The following ZBTB7A variants were observed in gnomAD, a reference collection of about 807,000 sequenced individuals.
The protein encoded by ZBTB7A is zinc finger and BTB domain containing 7A, also known as zinc finger and BTB domain-containing protein 7A.
A neutral mutation model predicts 26.7 loss-of-function variants in ZBTB7A; 7 were observed. That is an observed-to-expected ratio of 0.26 (90% CI 0.15 to 0.49). The LOEUF is 0.49. Ranked by LOEUF, ZBTB7A falls within the 20% of genes least tolerant of loss-of-function variation. The pLI is 0.98. For synonymous variants in ZBTB7A, 452 were observed against 441.0 expected (o/e 1.02, Z -0.31); for missense variants, 617 against 919.5 (o/e 0.67, Z 4.25).
At chr19:4,063,838 T>C (rs970067731) in intron 1 of ZBTB7A, among the ~76,000 whole-genome samples, 2 of 152,162 alleles carry the variant, frequency 1.3e-5, no homozygotes, top group African/African-American at 4.8e-5. Flanking sequence ...CAGTCTCCCC[T>C]GCCTAGTACC....
At chr19:4,049,164 G>GTA (rs748377446) in intron 2 of ZBTB7A, among the ~76,000 whole-genome samples, 691 of 20,806 alleles carry the variant, frequency 0.033, 10 homozygotes, top group Non-Finnish European at 0.066. Context: ...GTGTGTGTGT[G>GTA]TGTGTATATA....
Position 4,043,458 on chromosome 19 carries a change from T to TG in ZBTB7A, c.*4293_*4294insC, listed in dbSNP as rs1050698497. Among the ~76,000 whole-genome samples the TG allele has an allele frequency of 2.0e-5, 3 of 151,482 alleles. No individual in the cohort carries two copies. Among genetic ancestry groups the TG allele is most frequent in the African/African-American group, 4.9e-5 (2 of 41,218 alleles). ...CCAAAAAGTGCATTTTTATCAGTTT[T>TG]TTTTTTTTTTAAATCTCCCACACTT... On this transcript the variant is annotated 3_prime_UTR_variant, in exon 3 of 3. Coordinates refer to ENST00000322357, the MANE Select transcript of ZBTB7A (RefSeq NM_015898.4).
chr19:4,055,580 T>G (rs891027099), intron 1 of ZBTB7A: 1 of 629,160 alleles, frequency 1.6e-6, no homozygotes, highest in African/African-American at 2.0e-5. Context: ...CCCAGCACTT[T>G]GGGAGGCCGA....
At position 4,045,716 on chromosome 19, in the gene ZBTB7A, T is replaced by C. The variant is rs187288288; in HGVS notation, c.*2036A>G. 1.5e-3 allele frequency: 580 copies of C among 393,912 alleles called. 2 individuals are homozygous for C. Among genetic ancestry groups the C allele is most frequent in the African/African-American group, 0.011 (521 of 48,602 alleles). The allele number at this position is 393,912 out of a possible 1,614,324, so 24.4% of individuals were successfully genotyped here. On this transcript the variant is annotated 3_prime_UTR_variant, in exon 3 of 3. Transcript: ENST00000322357. The surrounding 1 kb of genome is among the most constrained non-coding windows in gnomAD (Gnocchi z 4.1). ...CTATTTTCGGGGTCCCATGCTAGCA[T>C]TGCATATGCAAACGGGGTGAGGGCG...
At chr19:4,058,848 G>A (rs1359465007) in intron 1 of ZBTB7A, among the ~76,000 whole-genome samples, 1 of 152,170 alleles carries the variant, frequency 6.6e-6, no homozygotes, top group African/African-American at 2.4e-5. Context: ...CTTGCTCAGT[G>A]CCACCACGCT....
At chr19:4,059,832 G>A (rs1158676212) in intron 1 of ZBTB7A, among the ~76,000 whole-genome samples, 1 of 152,156 alleles carries the variant, frequency 6.6e-6, no homozygotes, top group Non-Finnish European at 1.5e-5. Flanking sequence ...AGGTGGGAGA[G>A]GGGAGGCCGG....
At chr19:4,058,667 C>CGAAGGCCTCCTCT (rs895172566) in intron 1 of ZBTB7A, among the ~76,000 whole-genome samples, 4 of 152,228 alleles carry the variant, frequency 2.6e-5, no homozygotes, top group African/African-American at 4.8e-5. Flanking sequence ...TGGCCTCCTC[C>CGAAGGCCTCCTCT]GGGCCACCAG....
chr19:4,054,191 C>T lies in ZBTB7A; in HGVS notation c.1042G>A (p.Val348Ile), dbSNP rs749624624. The T allele has an allele frequency of 1.3e-6, 2 of 1,593,192 alleles. No homozygotes were observed. Among genetic ancestry groups the T allele is most frequent in the Non-Finnish European group, 1.7e-6 (2 of 1,175,314 alleles). The part of the protein sequence containing the change: ...DEESRADDKG[V>I]MDYYLKYFSG... ...AAGTACTTCAGGTAGTAGTCCATGA[C>T]GCCCTTGTCGTCGGCCCGCGACTCC... Residue 348 changes from valine to isoleucine, a missense_variant, in exon 2 of 3, where the codon GTC (valine) becomes ATC (isoleucine). This residue lies in a region of ZBTB7A where 331 missense variants were observed against 391.3 expected (regional missense o/e 0.85). Coordinates refer to ENST00000322357, the MANE Select transcript of ZBTB7A (RefSeq NM_015898.4).
At chr19:4,065,586 G>C (rs1431935050) in intron 1 of ZBTB7A, 2 of 145,576 alleles carry the variant, frequency 1.4e-5, no homozygotes, top group African/African-American at 4.9e-5. Flanking sequence ...CCGGGCTGGG[G>C]GGAGGGCGAT....
At position 4,064,045 on chromosome 19, in the gene ZBTB7A, G is replaced by A. The variant is rs370028832; in HGVS notation, c.-16+2637C>T. 2.1e-4 allele frequency among the ~76,000 whole-genome samples: 32 copies of A among 152,300 alleles called. No homozygotes were observed. The East Asian group carries it at 5.2e-3, about 25-fold the overall frequency. On this transcript the variant is annotated intron_variant, in intron 1 of 2. Coordinates refer to ENST00000322357, the MANE Select transcript of ZBTB7A (RefSeq NM_015898.4). ...AAACACCCAGCAGGGATTTGTGATC[G>A]CCCCAGGAACCTTTCCGACCAGGCC...
chr19:4,062,529 C>A (rs959376121), intron 1 of ZBTB7A, among the ~76,000 whole-genome samples: 1 of 152,180 alleles, frequency 6.6e-6, no homozygotes, highest in African/African-American at 2.4e-5. Context: ...CAGGGTCGCG[C>A]AGCAGAACTG....
intron 1 of ZBTB7A, among the ~76,000 whole-genome samples, chr19:4,064,635 G>T (rs2040673047): frequency 6.6e-6 from 1 of 152,230 alleles, no homozygotes; most frequent in African/African-American, 2.4e-5. Context: ...CCCTGGTCCA[G>T]TTCTGAGGTT....
Position 4,048,092 on chromosome 19 carries a change from C to A in ZBTB7A, c.1415G>T (p.Cys472Phe). The change falls in exon 3 of 3, where the codon TGC becomes TTC. Residue 472 changes from cysteine (C) to phenylalanine (F), a missense_variant. Cys to Phe is a radical substitution (Grantham distance 205, BLOSUM62 -2). Transcript: ENST00000322357. The surrounding 1 kb of genome is among the most constrained non-coding windows in gnomAD (Gnocchi z 6.7). ...GLRPYQCDSC[C>F]KTFVRSDHLH... The stretch of plus-strand genomic sequence containing the variant: ...GTGGTCGGAGCGGACGAAGGTCTTG[C>A]AGCAGCTGTCGCACTGGTAGGGGCG... 1.2e-6 allele frequency: 2 copies of A among 1,609,732 alleles called. No homozygotes were observed. Among genetic ancestry groups the A allele is most frequent in the Non-Finnish European group, 1.7e-6 (2 of 1,178,624 alleles).
intron 1 of ZBTB7A, among the ~76,000 whole-genome samples, chr19:4,058,866 C>A (rs894350496): frequency 2.2e-4 from 34 of 152,208 alleles, no homozygotes; most frequent in African/African-American, 8.0e-4. Context: ...GCTCCCCAGG[C>A]CCCTCCACCC....
At position 4,048,684 on chromosome 19, in the gene ZBTB7A, AAAAAAAC is replaced by A. The variant is rs138904801; in HGVS notation, c.1263-447_1263-441del. ...TGTCTCTACTAAAAAAACAAAAAAC[AAAAAAAC>A]AAAAAACAAAAATCAGCCGGGCATG... On this transcript the variant is annotated intron_variant, in intron 2 of 2. Coordinates refer to ENST00000322357, the MANE Select transcript of ZBTB7A (RefSeq NM_015898.4). This position sits in a 1 kb window ranked among gnomAD's most constrained non-coding sequence, Gnocchi z 6.7. Among the ~76,000 whole-genome samples the A allele has an allele frequency of 0.19, 28,402 of 149,584 alleles. 2,780 individuals carry two copies. The highest frequency in any genetic ancestry group is 0.25 in the African/African-American group (9,806 of 39,804).
At chr19:4,050,616 G>A (rs2144980782) in intron 2 of ZBTB7A, among the ~76,000 whole-genome samples, 1 of 152,300 alleles carries the variant, frequency 6.6e-6, no homozygotes, top group Admixed American at 6.5e-5. Flanking sequence ...TGCGCTGGAA[G>A]TGCAAAAGGT....
intron 1 of ZBTB7A, among the ~76,000 whole-genome samples, chr19:4,065,927 CCCGCG>C (rs1202629235): frequency 3.5e-5 from 5 of 144,266 alleles, no homozygotes; most frequent in Non-Finnish European, 7.7e-5. Context: ...TGGCCCCGCC[CCCGCG>C]CCGCGCCGCG....
intron 1 of ZBTB7A, among the ~76,000 whole-genome samples, chr19:4,056,212 TC>T (rs1334037089): frequency 6.6e-6 from 1 of 151,262 alleles, no homozygotes; most frequent in African/African-American, 2.4e-5. Context: ...CGGCCAGCTG[TC>T]CTGCCCCCAG....
intron 1 of ZBTB7A, among the ~76,000 whole-genome samples, chr19:4,065,245 C>A (rs866870082): frequency 2.6e-5 from 4 of 151,094 alleles, no homozygotes; most frequent in South Asian, 2.1e-4. Flanking sequence ...TCTCCGCCCC[C>A]TCCCGCGGGT....
Sources: allele counts gnomAD v4.1 joint callset (sites outside exome capture counted in the v4.1 genomes callset), GRCh38; gene constraint gnomAD v4.1.1; regional missense constraint gnomAD v4.1.1; non-coding constraint Gnocchi (gnomAD v3.1); transcripts MANE v1.5; gene names NCBI Gene and HGNC (gene_info 2026-07-23, HGNC 2026-07-21).